The following SORBS2 variants were observed in gnomAD, a reference collection of about 807,000 sequenced individuals.
SORBS2 encodes sorbin and SH3 domain containing 2.
Under a neutral mutation model 97.7 loss-of-function variants are expected in SORBS2, and 46 were observed. That is an observed-to-expected ratio of 0.47 (90% CI 0.37 to 0.60). SORBS2 has a LOEUF of 0.60. SORBS2 is among the 20% of genes least tolerant of loss of function. The probability of loss-of-function intolerance (pLI) is 0.00; values close to 1 mark genes in which losing one functional copy is unlikely to be tolerated. For missense variants in SORBS2, 1,316 were observed against 1,282.3 expected, an observed-to-expected ratio of 1.03 and a Z score of -0.40; for synonymous variants, 476 against 473.4, an observed-to-expected ratio of 1.01 and a Z score of -0.07.
chr4:185,878,741 A>G lies in SORBS2; in HGVS notation c.-338+77455T>C, dbSNP rs1032146529. On this transcript the variant is annotated intron_variant, in intron 1 of 20. Transcript: ENST00000284776. Reference sequence around the variant, plus strand: ...AACTCCACACCTCACATCTGATTCTATCACTCCCCAGTGGAGAGCCCGATT... The same window carrying G: ...AACTCCACACCTCACATCTGATTCTGTCACTCCCCAGTGGAGAGCCCGATT... Among the ~76,000 whole-genome samples, 6 of 152,224 alleles carry G rather than the reference A, an allele frequency of 3.9e-5. No homozygotes were observed. In the Middle Eastern group the frequency reaches 0.01, roughly 259 times the overall value.
At chr4:185,652,585 A>G in intron 2 of SORBS2, 77 bp downstream of exon 10, 2 of 1,142,794 alleles carry the variant, frequency 1.8e-6, no homozygotes, top group Non-Finnish European at 2.7e-6. Context: ...TTGTGTGTGA[A>G]TCAAACCGAT....
intron 1 of SORBS2, among the ~76,000 whole-genome samples, chr4:185,867,810 A>G (rs185272997): frequency 5.0e-4 from 76 of 152,068 alleles, no homozygotes; most frequent in African/African-American, 1.7e-3. Context: ...TTGTTGCCAT[A>G]CTTGGCTCTG....
intron 1 of SORBS2, among the ~76,000 whole-genome samples, chr4:185,898,398 A>C (rs2099246036): frequency 6.6e-6 from 1 of 152,216 alleles, no homozygotes; most frequent in Non-Finnish European, 1.5e-5. Context: ...AACTAGCACC[A>C]TGTCTGTAAG....
chr4:185,944,815 C>T (rs79876986), intron 1 of SORBS2, among the ~76,000 whole-genome samples: 1,959 of 152,210 alleles, frequency 0.013, 51 homozygotes, highest in African/African-American at 0.045. Flanking sequence ...AATCATAAAA[C>T]AATGAGCTTT....
At chr4:185,702,083 T>C (rs925422985) in intron 2 of SORBS2, among the ~76,000 whole-genome samples, 6 of 152,236 alleles carry the variant, frequency 3.9e-5, no homozygotes, top group Non-Finnish European at 7.3e-5. Flanking sequence ...ATTTCTTTTT[T>C]GTGGGAGAAG....
intron 4 of SORBS2, 75 bp downstream of exon 13, chr4:185,646,593 T>G: frequency 1.2e-6 from 1 of 818,280 alleles, no homozygotes; most frequent in South Asian, 1.5e-5. Context: ...TGCTAATGGG[T>G]CTGAAATTCA....
chr4:185,903,958 G>A (rs1356845407), intron 1 of SORBS2, among the ~76,000 whole-genome samples: 2 of 152,056 alleles, frequency 1.3e-5, no homozygotes, highest in Non-Finnish European at 2.9e-5. Context: ...GGTCTTATTT[G>A]CCCTCCAAGA....
intron 12 of SORBS2, among the ~76,000 whole-genome samples, chr4:185,596,451 C>T (rs1316758347): frequency 6.6e-6 from 1 of 151,498 alleles, no homozygotes. Flanking sequence ...GTGATTGCTG[C>T]AAACCTGCAG....
intron 4 of SORBS2, among the ~76,000 whole-genome samples, chr4:185,671,362 T>A (rs2153487699): frequency 6.6e-6 from 1 of 152,266 alleles, no homozygotes; most frequent in African/African-American, 2.4e-5. Context: ...AATATGGGAT[T>A]TAAAAATCAG....
At chr4:185,792,812 T>C (rs562260692) in intron 1 of SORBS2, among the ~76,000 whole-genome samples, 5 of 152,330 alleles carry the variant, frequency 3.3e-5, no homozygotes, top group Non-Finnish European at 5.9e-5. Context: ...TTGGCTGATC[T>C]GTAGTTCCCA....
chr4:185,703,556 A>G (rs976752250), intron 2 of SORBS2, among the ~76,000 whole-genome samples: 1 of 152,228 alleles, frequency 6.6e-6, no homozygotes, highest in Non-Finnish European at 1.5e-5. Context: ...TTACTGGCTG[A>G]ATCAGTCATG....
In SORBS2 at chr4:185,690,614, G is replaced by A; in HGVS notation, c.-197-11792C>T. ...TGTTATTAAAGTCTTCAGTTTTCCT[G>A]TAGGAAAAAAATGGTGCATAATTGT... On this transcript the variant is annotated intron_variant, in intron 2 of 20. Coordinates refer to the SORBS2 transcript ENST00000284776. 2.8e-6 allele frequency: 4 copies of A among 1,410,510 alleles called. No individual in the cohort carries two copies. The highest frequency in any genetic ancestry group is 3.9e-6 in the Non-Finnish European group (4 of 1,031,986). 87.4% of individuals were successfully genotyped at this position (1,410,510 alleles called of 1,614,324 possible).
chr4:185,801,209 T>A lies in SORBS2; in HGVS notation c.-337-25843A>T, dbSNP rs142938254. 5.7e-3 allele frequency among the ~76,000 whole-genome samples: 864 copies of A among 152,358 alleles called. 8 individuals are homozygous for A. Among genetic ancestry groups the A allele is most frequent in the African/African-American group, 0.02 (828 of 41,584 alleles). On this transcript the variant is annotated intron_variant, in intron 1 of 20. Coordinates refer to the SORBS2 transcript ENST00000284776. ...TATGCTGTTGCAAATGGCAGGATTT[T>A]CTTCTTTTTTAGGGCTGAATAATAT... is the stretch of plus-strand genomic sequence containing the variant.
At chr4:185,622,245 T>TTC (rs1485928362) in intron 7 of SORBS2, among the ~76,000 whole-genome samples, 17 of 152,184 alleles carry the variant, frequency 1.1e-4, no homozygotes, top group African/African-American at 3.6e-4. Context: ...ACAGGACTGT[T>TTC]TTAGCAGAAA....
At chr4:185,808,028 A>G (rs972368216) in intron 1 of SORBS2, among the ~76,000 whole-genome samples, 3 of 152,240 alleles carry the variant, frequency 2.0e-5, no homozygotes, top group African/African-American at 7.2e-5. Context: ...TAATTACTAT[A>G]TGCAATTTAA....
intron 1 of SORBS2, among the ~76,000 whole-genome samples, chr4:185,856,043 C>T (rs2099220456): frequency 6.6e-6 from 1 of 152,160 alleles, no homozygotes; most frequent in Admixed American, 6.6e-5. Context: ...GTATTTTCCA[C>T]TCAAATTTAG....
intron 2 of SORBS2, among the ~76,000 whole-genome samples, chr4:185,736,442 G>A (rs1236414738): frequency 2.0e-5 from 3 of 152,210 alleles, no homozygotes; most frequent in African/African-American, 4.8e-5. Context: ...GGGCATTCTG[G>A]AGGTTACTGG....
At chr4:185,628,805 A>G (rs540945721) in intron 5 of SORBS2, among the ~76,000 whole-genome samples, 1 of 152,332 alleles carries the variant, frequency 6.6e-6, no homozygotes, top group Admixed American at 6.5e-5. Context: ...ACTATTAAAG[A>G]TTCCTTCCCC....
At chr4:185,778,208 G>A (rs879025112) in intron 1 of SORBS2, among the ~76,000 whole-genome samples, 1 of 152,134 alleles carries the variant, frequency 6.6e-6, no homozygotes, top group African/African-American at 2.4e-5. Context: ...TGCCATGCAG[G>A]CCAACGGTTC....
Sources: allele counts gnomAD v4.1 joint callset (sites outside exome capture counted in the v4.1 genomes callset), GRCh38; gene constraint gnomAD v4.1.1; transcripts MANE v1.5; gene names NCBI Gene and HGNC (gene_info 2026-07-23, HGNC 2026-07-21).